The following LRCH1 variants were observed in gnomAD, a reference collection of about 807,000 sequenced individuals.
The protein encoded by LRCH1 is leucine rich repeats and calponin homology domain containing 1.
A neutral mutation model predicts 94.9 loss-of-function variants in LRCH1; 23 were observed. The observed-to-expected ratio is 0.24, with a 90% CI of 0.17 to 0.34. The LOEUF (loss-of-function observed/expected upper bound fraction) is 0.34. LRCH1 is among the 10% of genes least tolerant of loss of function. LRCH1 has a pLI of 1.00. For missense variants in LRCH1, 790 were observed against 945.9 expected (o/e 0.84, Z 2.16); for synonymous variants, 364 against 354.9 (o/e 1.03, Z -0.29).
chr13:46,672,137 A>G lies in LRCH1; in HGVS notation c.579+2981A>G, dbSNP rs1026582238. Reference sequence around the variant, plus strand: ...GAATGTCATGTAGTTGGAACCATACAGTATGTAGCCTTTTCAGGTTGGTTT... The same window carrying G: ...GAATGTCATGTAGTTGGAACCATACGGTATGTAGCCTTTTCAGGTTGGTTT... On this transcript the variant is annotated intron_variant, in intron 3 of 19. Coordinates refer to ENST00000389797, the MANE Select transcript of LRCH1 (RefSeq NM_001164211.2). Among the ~76,000 whole-genome samples the G allele has an allele frequency of 2.6e-5, 4 of 152,184 alleles. No homozygotes were observed. In the East Asian group the frequency reaches 5.8e-4, roughly 22 times the overall value.
chr13:46,712,426 G>A, intron 14 of LRCH1, 99 bp from the exon 15 acceptor site: 1 of 890,806 alleles, frequency 1.1e-6, no homozygotes. Context: ...TGCAAAAAGG[G>A]AGTAGTTTTG....
At chr13:46,729,101 C>A in intron 18 of LRCH1, 117 bp downstream of exon 18, 1 of 967,556 alleles carries the variant, frequency 1.0e-6, no homozygotes, top group Non-Finnish European at 1.4e-6. Flanking sequence ...TCCATTGGGC[C>A]CCAAACCATT....
chr13:46,729,978 G>C lies in LRCH1; in HGVS notation c.2007+994G>C, dbSNP rs577078364. Among the ~76,000 whole-genome samples, 6 of 152,238 alleles carry C rather than the reference G, an allele frequency of 3.9e-5. 1 individual carries two copies. The South Asian group carries it at 1.2e-3, about 32-fold the overall frequency. On this transcript the variant is annotated intron_variant, in intron 18 of 19. Coordinates refer to ENST00000389797, the MANE Select transcript of LRCH1 (RefSeq NM_001164211.2). ...TAGAGGAGATAGAGCCTGCACTCAG[G>C]GCTCTCTTCCTAGGTATCACAGCAT...
At chr13:46,602,339 G>A (rs2050637016) in intron 1 of LRCH1, among the ~76,000 whole-genome samples, 1 of 152,186 alleles carries the variant, frequency 6.6e-6, no homozygotes, top group Non-Finnish European at 1.5e-5. Flanking sequence ...TCTGCTTCCT[G>A]TGTCATGATT....
At position 46,743,652 on chromosome 13, in the gene LRCH1, A is replaced by G. The variant is rs1032535137; in HGVS notation, c.*1804A>G. The G allele has an allele frequency of 1.7e-5, 17 of 985,156 alleles. No homozygotes were observed. Among genetic ancestry groups the G allele is most frequent in the Admixed American group, 6.1e-5 (1 of 16,262 alleles). 61.0% of individuals were successfully genotyped at this position (985,156 alleles called of 1,614,324 possible). The stretch of plus-strand genomic sequence containing the variant: ...GTATTCATGAGCTCTCAGCATTCCC[A>G]TCCAGCTCTGCAGTGCATTGAGGCT... On this transcript the variant is annotated 3_prime_UTR_variant, in exon 20 of 20. Transcript: ENST00000389797.
rs1318276677 is a variant in LRCH1, at chr13:46,744,054, T to G, written c.*2206T>G. On this transcript the variant is annotated 3_prime_UTR_variant, in exon 20 of 20. Coordinates refer to ENST00000389797, the MANE Select transcript of LRCH1 (RefSeq NM_001164211.2). The stretch of plus-strand genomic sequence containing the variant: ...TAATTTAGTCCTTTAGGCAAAAATT[T>G]GAATGAACTGTTCTGTCCATTGCCA... 1.0e-6 allele frequency: 1 copy of G among 985,282 alleles called. No homozygotes were observed. The highest frequency in any genetic ancestry group is 1.7e-5 in the African/African-American group (1 of 57,220). The allele number at this position is 985,282 out of a possible 1,614,324, so 61.0% of individuals were successfully genotyped here.
At chr13:46,737,515 T>G (rs1873443550) in intron 19 of LRCH1, among the ~76,000 whole-genome samples, 1 of 152,198 alleles carries the variant, frequency 6.6e-6, no homozygotes, top group East Asian at 1.9e-4. Context: ...ATAAGCAGCA[T>G]TAGGTACCAT....
chr13:46,741,912 C>A lies in LRCH1; in HGVS notation c.*64C>A. The A allele has an allele frequency of 6.2e-7, 1 of 1,600,706 alleles. No individual in the cohort carries two copies. Among genetic ancestry groups the A allele is most frequent in the East Asian group, 2.2e-5 (1 of 44,638 alleles). Reference sequence around the variant, plus strand: ...TCAACCTTTGCAGGGTCCTTCCTACCTTTGAGCCTTTGCCTTGCAAACTTC... The same window carrying A: ...TCAACCTTTGCAGGGTCCTTCCTACATTTGAGCCTTTGCCTTGCAAACTTC... On this transcript the variant is annotated 3_prime_UTR_variant, in exon 20 of 20. Coordinates refer to ENST00000389797, the MANE Select transcript of LRCH1 (RefSeq NM_001164211.2).
chr13:46,749,506 A>G (rs1255649608), downstream of LRCH1, among the ~76,000 whole-genome samples: 1 of 152,256 alleles, frequency 6.6e-6, no homozygotes. Flanking sequence ...TTACCAAAAA[A>G]TAAGTATCTG....
At chr13:46,680,832 G>T (rs1008673144) in intron 3 of LRCH1, among the ~76,000 whole-genome samples, 1 of 152,176 alleles carries the variant, frequency 6.6e-6, no homozygotes, top group African/African-American at 2.4e-5. Context: ...CACTCTGGCC[G>T]CTCTGTGAAG....
rs9595522 is a variant in LRCH1, at chr13:46,728,876, A to G, written c.1899A>G (p.Leu633=). The change falls in exon 18 of 20, where the codon CTA becomes CTG. Residue 633 remains leucine (L), a synonymous_variant. Coordinates refer to ENST00000389797, the MANE Select transcript of LRCH1 (RefSeq NM_001164211.2). ...ESIEMRLKVS[L]HEDLGAALMD... is the part of the protein sequence containing the mutation. The stretch of plus-strand genomic sequence containing the variant: ...TTGAGATGAGATTGAAGGTCAGTCT[A>G]CACGAAGACCTGGGGGCAGCCCTCA... 9,983 of 1,612,542 alleles carry G rather than the reference A, an allele frequency of 6.2e-3. 508 individuals carry two copies. In the African/African-American group the frequency reaches 0.12, roughly 19 times the overall value.
At chr13:46,668,343 C>T (rs943052407) in intron 2 of LRCH1, among the ~76,000 whole-genome samples, 1 of 152,138 alleles carries the variant, frequency 6.6e-6, no homozygotes, top group African/African-American at 2.4e-5. Context: ...TTTGGCTGCT[C>T]TGTGGAACTA....
rs1295515393 is a variant in LRCH1 at position 46,743,003 on chromosome 13, G to T, written c.*1155G>T. The T allele has an allele frequency of 4.1e-6, 4 of 985,218 alleles. No individual in the cohort carries two copies. Among genetic ancestry groups the T allele is most frequent in the African/African-American group, 1.7e-5 (1 of 57,230 alleles). 61.0% of individuals were successfully genotyped at this position (985,218 alleles called of 1,614,324 possible). ...AGTTTGCATTTAAAAGGAAAAAAAA[G>T]AATTTTATCTTAGCCAGAATGTCCC... On this transcript the variant is annotated 3_prime_UTR_variant, in exon 20 of 20. Coordinates refer to ENST00000389797, the MANE Select transcript of LRCH1 (RefSeq NM_001164211.2).
At chr13:46,557,077 T>C (rs773669116) in intron 1 of LRCH1, among the ~76,000 whole-genome samples, 2 of 152,126 alleles carry the variant, frequency 1.3e-5, no homozygotes, top group Non-Finnish European at 2.9e-5. Flanking sequence ...GTAGCAAGAG[T>C]ATAAATGATG....
intron 1 of LRCH1, among the ~76,000 whole-genome samples, chr13:46,628,723 T>G: frequency 6.9e-6 from 1 of 145,812 alleles, no homozygotes; most frequent in Admixed American, 6.8e-5. Flanking sequence ...ACGGTTAGAG[T>G]GGACCCTGGT....
chr13:46,586,178 T>C (rs2050433221), intron 1 of LRCH1, among the ~76,000 whole-genome samples: 2 of 152,088 alleles, frequency 1.3e-5, no homozygotes, highest in African/African-American at 4.8e-5. Context: ...TGACACAAAG[T>C]AAATGATTGC....
chr13:46,711,075 C>G (rs1479893040), intron 13 of LRCH1, among the ~76,000 whole-genome samples: 1 of 152,090 alleles, frequency 6.6e-6, no homozygotes, highest in Non-Finnish European at 1.5e-5. Flanking sequence ...CTCTGTACCC[C>G]AGTATTCAGA....
intron 2 of LRCH1, among the ~76,000 whole-genome samples, chr13:46,668,788 CTTTG>C (rs2051557312): frequency 6.6e-6 from 1 of 151,728 alleles, no homozygotes; most frequent in Admixed American, 6.6e-5. Flanking sequence ...AAAGTTGTCT[CTTTG>C]AGAACTGCCC....
intron 1 of LRCH1, among the ~76,000 whole-genome samples, chr13:46,572,632 G>A (rs1044978071): frequency 7.2e-5 from 11 of 152,172 alleles, no homozygotes; most frequent in Non-Finnish European, 1.0e-4. Flanking sequence ...TCCCTAACTC[G>A]TGGAGTCATA....
Sources: allele counts gnomAD v4.1 joint callset (sites outside exome capture counted in the v4.1 genomes callset), GRCh38; gene constraint gnomAD v4.1.1; transcripts MANE v1.5; gene names NCBI Gene and HGNC (gene_info 2026-07-23, HGNC 2026-07-21).